Variants in LARP4B observed in about 807,000 individuals in gnomAD.
LARP4B encodes la-related protein 4B.
LARP4B carries 12 observed loss-of-function variants against 89.8 expected under a neutral mutation model. The ratio of observed to expected loss-of-function variants is 0.13; its 90% CI spans 0.09 to 0.22. The LOEUF (loss-of-function observed/expected upper bound fraction) is 0.22, where lower values mean the gene tolerates loss of function less well. LARP4B is among the 10% of genes least tolerant of loss of function. The pLI is 1.00. For synonymous variants in LARP4B, 367 were observed against 363.3 expected, an observed-to-expected ratio of 1.01 and a Z score of -0.12; for missense variants, 757 against 947.7, an observed-to-expected ratio of 0.80 and a Z score of 2.64.
chr10:976,554 G>C, the LARP4B span, among the ~76,000 whole-genome samples: 2 of 144,940 alleles, frequency 1.4e-5, no homozygotes, highest in African/African-American at 5.2e-5. Flanking sequence ...GGTAGGTGCC[G>C]CGTAATGTGT....
At chr10:969,809 G>A in the LARP4B span, among the ~76,000 whole-genome samples, 1 of 152,204 alleles carries the variant, frequency 6.6e-6, no homozygotes, top group Non-Finnish European at 1.5e-5. Context: ...TTAGAGGAAG[G>A]CTGACTCCCA....
Position 814,664 on chromosome 10 carries a change from A to G in LARP4B, c.1929+78T>C. The G allele has an allele frequency of 6.4e-7, 1 of 1,552,108 alleles. No homozygotes were observed. Among genetic ancestry groups the G allele is most frequent in the Non-Finnish European group, 8.7e-7 (1 of 1,147,290 alleles). On this transcript the variant is annotated intron_variant, in intron 17 of 17. Transcript: ENST00000316157. The surrounding 1 kb of genome is among the most constrained non-coding windows in gnomAD (Gnocchi z 4.4). ...AATTAGATGTGATTAAAAAACGAGC[A>G]GGTGCAGGAGTGCGCAGCGTCTGTT...
In LARP4B at chr10:845,014, C is replaced by G. The variant is rs1833704050; in HGVS notation, c.472G>C (p.Glu158Gln). The change falls in exon 6 of 18, where the codon GAA (glutamate) becomes CAA (glutamine). Residue 158 changes from glutamate to glutamine, a missense_variant. Physicochemically the swap from Glu to Gln is conservative, Grantham distance 29. This residue lies in a region of LARP4B where 54 missense variants were observed against 96.0 expected (regional missense o/e 0.56). Coordinates refer to ENST00000316157, the MANE Select transcript of LARP4B (RefSeq NM_015155.3). The part of the protein sequence containing the change: ...SQPDSQEDPR[E>Q]VLKKTLEFCL... ...AATTCCAATGTTTTTTTAAGTACTTCTCGGGGGTCTTCCTGGCTGTCTGGT... is the reference window on the plus strand; with the variant it reads ...AATTCCAATGTTTTTTTAAGTACTTGTCGGGGGTCTTCCTGGCTGTCTGGT... 1 of 1,611,518 alleles carries G rather than the reference C, an allele frequency of 6.2e-7. No homozygotes were observed.
intron 5 of LARP4B, among the ~76,000 whole-genome samples, chr10:853,830 C>T (rs998718237): frequency 5.7e-4 from 87 of 152,174 alleles, no homozygotes; most frequent in Admixed American, 2.0e-4. Context: ...TGGGTGGCTG[C>T]GGCAATTTCT....
intron 1 of LARP4B, among the ~76,000 whole-genome samples, chr10:889,507 A>C (rs1326465002): frequency 1.3e-5 from 2 of 152,232 alleles, no homozygotes; most frequent in African/African-American, 4.8e-5. Flanking sequence ...AGAACGTGCC[A>C]ACTCCACACA....
chr10:862,789 C>G (rs1010448136), intron 5 of LARP4B, among the ~76,000 whole-genome samples: 2 of 152,054 alleles, frequency 1.3e-5, no homozygotes, highest in Non-Finnish European at 2.9e-5. Flanking sequence ...GAAAAAGTTC[C>G]TGCATTTCCA....
At chr10:933,311 G>A (rs530515077), upstream of LARP4B, among the ~76,000 whole-genome samples, 1 of 152,174 alleles carries the variant, frequency 6.6e-6, no homozygotes, top group Admixed American at 6.5e-5. Context: ...TTTTGATACA[G>A]GGTCTTGCTC....
chr10:987,792 T>C, the LARP4B span: 1 of 152,370 alleles, frequency 6.6e-6, no homozygotes, highest in Non-Finnish European at 1.5e-5. Flanking sequence ...TGGGCTCTCC[T>C]AAGGCACTGC....
chr10:863,349 A>G (rs1170792616), intron 5 of LARP4B, among the ~76,000 whole-genome samples: 1 of 151,490 alleles, frequency 6.6e-6, no homozygotes, highest in Non-Finnish European at 1.5e-5. Flanking sequence ...CAGCCTCCCA[A>G]ATAGCTGGGA....
the LARP4B span, among the ~76,000 whole-genome samples, chr10:963,617 A>C: frequency 4.9e-4 from 74 of 152,230 alleles, no homozygotes; most frequent in Non-Finnish European, 8.4e-4. Flanking sequence ...AATAAAGGGG[A>C]AAAGATGCCT....
At chr10:920,340 T>C (rs1468500780) in intron 1 of LARP4B, among the ~76,000 whole-genome samples, 2 of 152,256 alleles carry the variant, frequency 1.3e-5, no homozygotes, top group Non-Finnish European at 2.9e-5. Flanking sequence ...AATATTACAC[T>C]GTTTTTCTGA....
At chr10:871,361 C>T (rs1050780186) in intron 3 of LARP4B, among the ~76,000 whole-genome samples, 2 of 152,140 alleles carry the variant, frequency 1.3e-5, no homozygotes, top group African/African-American at 4.8e-5. Context: ...TTGTGCCATG[C>T]TAAGCTTTAG....
chr10:846,930 G>A (rs1441331418), intron 5 of LARP4B, among the ~76,000 whole-genome samples: 1 of 152,202 alleles, frequency 6.6e-6, no homozygotes, highest in African/African-American at 2.4e-5. Context: ...TGTGAAGTTA[G>A]GAGCCAAGAG....
the LARP4B span, among the ~76,000 whole-genome samples, chr10:938,626 G>C: frequency 2.0e-5 from 3 of 152,118 alleles, no homozygotes; most frequent in African/African-American, 7.2e-5. Flanking sequence ...ATTATTTAGG[G>C]GTGAGGGGTT....
At chr10:945,537 A>C in the LARP4B span, among the ~76,000 whole-genome samples, 1 of 151,510 alleles carries the variant, frequency 6.6e-6, no homozygotes, top group East Asian at 1.9e-4. Flanking sequence ...ATACAAAAAA[A>C]ATTAGCCGGG....
At chr10:840,206 G>A (rs1297427823) in intron 7 of LARP4B, among the ~76,000 whole-genome samples, 2 of 152,108 alleles carry the variant, frequency 1.3e-5, no homozygotes, top group Non-Finnish European at 1.5e-5. Flanking sequence ...TAAAACTTAC[G>A]AAATGTACAC....
At chr10:923,912 G>A (rs1837060345) in intron 1 of LARP4B, among the ~76,000 whole-genome samples, 1 of 152,030 alleles carries the variant, frequency 6.6e-6, no homozygotes, top group South Asian at 2.1e-4. Flanking sequence ...TTAAACAACT[G>A]GCAAATATTA....
chr10:845,713 T>C (rs1164683483), intron 5 of LARP4B, among the ~76,000 whole-genome samples: 1 of 152,168 alleles, frequency 6.6e-6, no homozygotes, highest in Non-Finnish European at 1.5e-5. Flanking sequence ...GGCTGTGAAT[T>C]TGGAGCTCTA....
chr10:978,005 A>G, the LARP4B span, among the ~76,000 whole-genome samples: 2 of 152,190 alleles, frequency 1.3e-5, no homozygotes, highest in Non-Finnish European at 2.9e-5. Context: ...ACCCTATCCC[A>G]TAGGCTATTT....
Sources: allele counts gnomAD v4.1 joint callset (sites outside exome capture counted in the v4.1 genomes callset), GRCh38; gene constraint gnomAD v4.1.1; regional missense constraint gnomAD v4.1.1; non-coding constraint Gnocchi (gnomAD v3.1); transcripts MANE v1.5; gene names NCBI Gene and HGNC (gene_info 2026-07-23, HGNC 2026-07-21).